The following ATP2B2 variants were observed in gnomAD, a reference collection of about 807,000 sequenced individuals.
ATP2B2 encodes ATPase plasma membrane Ca2+ transporting 2.
In ATP2B2, 15 loss-of-function variants were observed where a neutral mutation model predicts 120.0. That is an observed-to-expected ratio of 0.12 (90% CI 0.08 to 0.19). The LOEUF (loss-of-function observed/expected upper bound fraction) is 0.19. ATP2B2 is among the 10% of genes least tolerant of loss of function. The pLI is 1.00. For synonymous variants in ATP2B2, 694 were observed against 700.3 expected, an observed-to-expected ratio of 0.99 and a Z score of 0.14; for missense variants, 1,045 against 1,719.8, an observed-to-expected ratio of 0.61 and a Z score of 6.94.
At position 10,515,532 on chromosome 3, in the gene ATP2B2, G is replaced by A. The variant is rs146597888; in HGVS notation, c.-320+18507C>T. ...CCATTTCCCCTGTGACTTGGTGGGA[G>A]CTCTCAGCTGCCAGCCCTGCAGAGG... On this transcript the variant is annotated intron_variant, in intron 3 of 21. Transcript: ENST00000646379. Among the ~76,000 whole-genome samples the A allele has an allele frequency of 4.6e-5, 7 of 152,260 alleles. No homozygotes were observed. The East Asian group carries it at 1.4e-3, about 29-fold the overall frequency.
At chr3:10,386,411 C>A in intron 7 of ATP2B2, 69 bp downstream of exon 7, 1 of 1,549,846 alleles carries the variant, frequency 6.5e-7, no homozygotes, top group Non-Finnish European at 8.9e-7. Flanking sequence ...GGTCTAGGGG[C>A]AGGGCCCAAT....
chr3:10,523,202 T>G (rs868584004), intron 3 of ATP2B2, among the ~76,000 whole-genome samples: 1 of 152,186 alleles, frequency 6.6e-6, no homozygotes, highest in Non-Finnish European at 1.5e-5. Flanking sequence ...ACAAAGTGAG[T>G]TATGATTTTG....
chr3:10,499,931 CTTTTTTT>C (rs57211710), intron 1 of ATP2B2, among the ~76,000 whole-genome samples: 1 of 117,608 alleles, frequency 8.5e-6, no homozygotes, highest in Admixed American at 8.5e-5. Flanking sequence ...TGGGCACATT[CTTTTTTT>C]TTTTTTTTTT....
At chr3:10,515,617 G>A (rs532184947) in intron 3 of ATP2B2, among the ~76,000 whole-genome samples, 12 of 152,048 alleles carry the variant, frequency 7.9e-5, no homozygotes, top group Non-Finnish European at 1.5e-4. Flanking sequence ...AGAACTACCC[G>A]GGCTAGAGGC....
intron 2 of ATP2B2, among the ~76,000 whole-genome samples, chr3:10,561,532 C>A (rs2067903614): frequency 6.6e-6 from 1 of 152,114 alleles, no homozygotes; most frequent in South Asian, 2.1e-4. Flanking sequence ...GTGATTTGCC[C>A]AAGGTCACTG....
chr3:10,490,394 G>A (rs950229697), intron 1 of ATP2B2, among the ~76,000 whole-genome samples: 2 of 140,588 alleles, frequency 1.4e-5, no homozygotes, highest in African/African-American at 5.5e-5. Flanking sequence ...GTCAGTCCAC[G>A]GCATTCTTTT....
At chr3:10,417,740 G>A (rs868586985) in intron 2 of ATP2B2, among the ~76,000 whole-genome samples, 8 of 152,180 alleles carry the variant, frequency 5.3e-5, no homozygotes, top group African/African-American at 1.4e-4. Context: ...AGGAAGGATC[G>A]CCTGGCAGAA....
chr3:10,384,657 A>G (rs2061622139), intron 8 of ATP2B2, among the ~76,000 whole-genome samples: 2 of 152,166 alleles, frequency 1.3e-5, no homozygotes, highest in Non-Finnish European at 1.5e-5. Context: ...CACAGGCAAC[A>G]GCAAGAAACA....
At chr3:10,633,562 T>C (rs543735902) in intron 1 of ATP2B2, among the ~76,000 whole-genome samples, 2 of 152,236 alleles carry the variant, frequency 1.3e-5, no homozygotes, top group Non-Finnish European at 2.9e-5. Flanking sequence ...TCTTCTCTGA[T>C]GGTAATACAT....
At chr3:10,685,746 C>T (rs1379515362) in intron 1 of ATP2B2, among the ~76,000 whole-genome samples, 6 of 152,096 alleles carry the variant, frequency 3.9e-5, no homozygotes, top group African/African-American at 1.4e-4. Context: ...TGATCCCATA[C>T]ATGTGTGACA....
chr3:10,679,139 G>A (rs2071319146), intron 1 of ATP2B2, among the ~76,000 whole-genome samples: 1 of 152,124 alleles, frequency 6.6e-6, no homozygotes, highest in Non-Finnish European at 1.5e-5. Flanking sequence ...ACCCTGAGCT[G>A]GTAGATGAGA....
At position 10,600,606 on chromosome 3, in the gene ATP2B2, C is replaced by T. The variant is rs1472836107; in HGVS notation, c.-415+19311G>A. Among the ~76,000 whole-genome samples, 11 of 152,372 alleles carry T rather than the reference C, an allele frequency of 7.2e-5. No individual in the cohort carries two copies. In the South Asian group the frequency reaches 1.9e-3, roughly 26 times the overall value. On this transcript the variant is annotated intron_variant, in intron 2 of 21. Coordinates refer to the ATP2B2 transcript ENST00000646379. ...TGGCCGTGGATTTACTCACAAGCCT[C>T]TGGTTTCAAACTCCAGACGGGGCTG...
intron 5 of ATP2B2, among the ~76,000 whole-genome samples, chr3:10,396,254 A>C (rs2062032406): frequency 6.6e-6 from 1 of 152,260 alleles, no homozygotes; most frequent in Non-Finnish European, 1.5e-5. Context: ...ACACGTGTGC[A>C]TGCCTGTGGT....
intron 2 of ATP2B2, among the ~76,000 whole-genome samples, chr3:10,592,606 G>A (rs1412859513): frequency 6.6e-6 from 1 of 152,164 alleles, no homozygotes; most frequent in Non-Finnish European, 1.5e-5. Context: ...TTCTAAGAAT[G>A]GATCTTTGTC....
At chr3:10,507,352 G>A (rs1192798287), upstream of ATP2B2, among the ~76,000 whole-genome samples, 3 of 152,104 alleles carry the variant, frequency 2.0e-5, no homozygotes, top group Non-Finnish European at 2.9e-5. Context: ...TAGTTGGGGG[G>A]ATTCCACTGG....
chr3:10,395,710 AG>A (rs1321337743), intron 5 of ATP2B2, among the ~76,000 whole-genome samples: 1 of 152,250 alleles, frequency 6.6e-6, no homozygotes, highest in Non-Finnish European at 1.5e-5. Flanking sequence ...CTTGACCCAT[AG>A]GGACCTTAAA....
At chr3:10,674,834 G>A (rs1478971668) in intron 1 of ATP2B2, among the ~76,000 whole-genome samples, 4 of 152,214 alleles carry the variant, frequency 2.6e-5, no homozygotes, top group Non-Finnish European at 5.9e-5. Flanking sequence ...AGCCAGGAAA[G>A]TCAACAGGGA....
In ATP2B2 at chr3:10,471,639, C is replaced by T. The variant is rs1019016603; in HGVS notation, c.-319-21777G>A. ...CAGAGACTGACTTCAAAAGAGAAAT[C>T]GATATTACCATAAAAAATGATAGGC... On this transcript the variant is annotated intron_variant, in intron 1 of 22. Transcript: ENST00000360273. Among the ~76,000 whole-genome samples the T allele has an allele frequency of 4.6e-5, 7 of 151,586 alleles. No individual in the cohort carries two copies. In the South Asian group the frequency reaches 6.3e-4, roughly 14 times the overall value.
At chr3:10,677,035 T>C (rs561070406) in intron 1 of ATP2B2, among the ~76,000 whole-genome samples, 8 of 152,272 alleles carry the variant, frequency 5.3e-5, no homozygotes, top group African/African-American at 1.4e-4. Flanking sequence ...ACTCTTACCA[T>C]GTGGTCCAGC....
Sources: gnomAD v4.1 joint callset for allele counts (sites outside exome capture counted in the v4.1 genomes callset) on GRCh38, gnomAD v4.1.1 for gene constraint, MANE v1.5 for transcripts, NCBI Gene and HGNC (gene_info 2026-07-23, HGNC 2026-07-21) for gene names.